The following RICTOR variants were observed in gnomAD, a reference collection of about 807,000 sequenced individuals.
RICTOR encodes the protein rapamycin-insensitive companion of mTOR.
A neutral mutation model predicts 214.9 loss-of-function variants in RICTOR; 49 were observed. The observed-to-expected ratio is 0.23, with a 90% CI of 0.18 to 0.29. The LOEUF is 0.29. RICTOR is among the 10% of genes least tolerant of loss of function. The pLI is 1.00. For missense variants in RICTOR, 1,625 were observed against 2,047.0 expected, an observed-to-expected ratio of 0.79 and a Z score of 3.98; for synonymous variants, 717 against 711.3, an observed-to-expected ratio of 1.01 and a Z score of -0.13.
chr5:39,018,452 A>AT (rs1231054890), intron 3 of RICTOR, among the ~76,000 whole-genome samples: 1 of 152,120 alleles, frequency 6.6e-6, no homozygotes, highest in Non-Finnish European at 1.5e-5. Context: ...TTTGTGGCAA[A>AT]CCTGCTTCAA....
chr5:39,043,370 G>A (rs1295202494), intron 2 of RICTOR, among the ~76,000 whole-genome samples: 2 of 152,128 alleles, frequency 1.3e-5, no homozygotes, highest in African/African-American at 4.8e-5. Context: ...GATCTTAAGT[G>A]AAATAAACCA....
intron 3 of RICTOR, among the ~76,000 whole-genome samples, chr5:39,003,850 TTTG>T (rs140476631): frequency 2.6e-5 from 4 of 152,276 alleles, no homozygotes; most frequent in African/African-American, 9.6e-5. Flanking sequence ...TAAAAAATCA[TTTG>T]TTTTCTATTA....
intron 2 of RICTOR, among the ~76,000 whole-genome samples, chr5:39,050,258 T>C (rs1273404017): frequency 6.6e-6 from 1 of 151,832 alleles, no homozygotes; most frequent in Admixed American, 6.6e-5. Flanking sequence ...ACTCTAAGTA[T>C]CTGTAAAACA....
At chr5:38,944,213 G>T in intron 36 of RICTOR, 1 of 598,840 alleles carries the variant, frequency 1.7e-6, no homozygotes, top group Non-Finnish European at 3.1e-6. Flanking sequence ...CTCTTCAAAA[G>T]TCTGGCTTAA....
intron 2 of RICTOR, among the ~76,000 whole-genome samples, chr5:39,051,235 T>C (rs930740541): frequency 6.6e-6 from 1 of 152,184 alleles, no homozygotes; most frequent in Non-Finnish European, 1.5e-5. Flanking sequence ...ATCAAAAGAA[T>C]GGATAAATAA....
chr5:38,967,435 A>T lies in RICTOR; in HGVS notation c.1061-8T>A, dbSNP rs1037565324. ...CTTGGAACCTCCCTGGATCTAAATTAGTTAAAATATGGTAGGGAAAAGATT... is the reference window on the plus strand; with the variant it reads ...CTTGGAACCTCCCTGGATCTAAATTTGTTAAAATATGGTAGGGAAAAGATT... On this transcript the variant is annotated splice_polypyrimidine_tract_variant and splice_region_variant and intron_variant, in intron 12 of 37. Coordinates refer to ENST00000357387, the MANE Select transcript of RICTOR (RefSeq NM_152756.5). The T allele has an allele frequency of 6.3e-7, 1 of 1,594,222 alleles. No homozygotes were observed. Among genetic ancestry groups the T allele is most frequent in the African/African-American group, 1.3e-5 (1 of 74,376 alleles).
At chr5:38,969,271 C>G (rs1194821381) in intron 11 of RICTOR, among the ~76,000 whole-genome samples, 1 of 151,758 alleles carries the variant, frequency 6.6e-6, no homozygotes, top group African/African-American at 2.4e-5. Context: ...CGCACCTGGC[C>G]TGTGTTTTTG....
chr5:38,997,279 T>C (rs1276490094), intron 5 of RICTOR, among the ~76,000 whole-genome samples: 1 of 152,196 alleles, frequency 6.6e-6, no homozygotes, highest in Non-Finnish European at 1.5e-5. Flanking sequence ...ATTGCAATTT[T>C]GACCAGGGCT....
chr5:39,062,117 A>G (rs1041773290), intron 2 of RICTOR, among the ~76,000 whole-genome samples: 1 of 152,130 alleles, frequency 6.6e-6, no homozygotes, highest in Non-Finnish European at 1.5e-5. Context: ...AACACCGCTG[A>G]AAGTTATAGC....
chr5:38,986,350 A>G (rs2150070029), intron 7 of RICTOR, among the ~76,000 whole-genome samples: 1 of 152,268 alleles, frequency 6.6e-6, no homozygotes, highest in East Asian at 1.9e-4. Flanking sequence ...TTTCTTCATA[A>G]ATTACCCAGT....
chr5:39,005,073 G>A (rs1310355354), intron 3 of RICTOR, among the ~76,000 whole-genome samples: 10 of 151,214 alleles, frequency 6.6e-5, no homozygotes, highest in African/African-American at 2.0e-4. Context: ...GAGCCACAGC[G>A]CCCGGCCTCT....
At chr5:39,019,710 C>T (rs1245980630) in intron 3 of RICTOR, among the ~76,000 whole-genome samples, 2 of 152,110 alleles carry the variant, frequency 1.3e-5, no homozygotes, top group Non-Finnish European at 2.9e-5. Context: ...TTCATGTTTG[C>T]TAACACAACA....
chr5:38,990,515 G>A (rs986790624), intron 7 of RICTOR, among the ~76,000 whole-genome samples: 6 of 146,334 alleles, frequency 4.1e-5, no homozygotes, highest in East Asian at 2.0e-4. Context: ...ATATATACAC[G>A]ATATATATAC....
chr5:38,953,912 A>T (rs188367084), intron 27 of RICTOR, among the ~76,000 whole-genome samples: 8 of 151,892 alleles, frequency 5.3e-5, no homozygotes, highest in Admixed American at 2.6e-4. Flanking sequence ...TTACTAAATA[A>T]TCATACTTAT....
chr5:38,958,097 C>T (rs573853560), intron 24 of RICTOR, among the ~76,000 whole-genome samples: 4 of 151,828 alleles, frequency 2.6e-5, no homozygotes, highest in South Asian at 2.1e-4. Flanking sequence ...ATTAGCTGGG[C>T]GTGGTGGTGT....
At chr5:39,004,961 A>G (rs2150110068) in intron 3 of RICTOR, among the ~76,000 whole-genome samples, 1 of 151,930 alleles carries the variant, frequency 6.6e-6, no homozygotes. Flanking sequence ...TTGTATTTTT[A>G]GTAGAGACAG....
rs1268662312 is a variant in RICTOR, at chr5:38,950,203, T to A, written c.3645A>T (p.Ile1215=). ...TGTCTGTATTGAAACTTTGGCTACG[T>A]ATCTTCATATGTGAGCTCGTTGAAC... ...VESSTSSHMK[I]RSQSFNTDTT... Residue 1215 remains isoleucine, a synonymous_variant, in exon 31 of 38, where the codon ATA becomes ATT. Coordinates refer to ENST00000357387, the MANE Select transcript of RICTOR (RefSeq NM_152756.5). The A allele has an allele frequency of 1.9e-6, 3 of 1,613,434 alleles. No individual in the cohort carries two copies. The highest frequency in any genetic ancestry group is 2.5e-6 in the Non-Finnish European group (3 of 1,179,652).
chr5:38,980,700 G>C (rs546326868), intron 8 of RICTOR, among the ~76,000 whole-genome samples: 40 of 152,168 alleles, frequency 2.6e-4, no homozygotes, highest in Admixed American at 2.5e-3. Context: ...ACAAAAATTA[G>C]CCAGGTGTGG....
intron 2 of RICTOR, among the ~76,000 whole-genome samples, chr5:39,032,504 C>A (rs1434078972): frequency 6.6e-6 from 1 of 152,072 alleles, no homozygotes; most frequent in Non-Finnish European, 1.5e-5. Flanking sequence ...ACAACAGGAG[C>A]CTGGAAGTCA....
Sources: gnomAD v4.1 joint callset for allele counts (sites outside exome capture counted in the v4.1 genomes callset) on GRCh38, gnomAD v4.1.1 for gene constraint, MANE v1.5 for transcripts, NCBI Gene and HGNC (gene_info 2026-07-23, HGNC 2026-07-21) for gene names.